The following PAG1 variants were observed in gnomAD, a reference collection of about 807,000 sequenced individuals.
PAG1 encodes phosphoprotein associated with glycosphingolipid-enriched microdomains 1.
A neutral mutation model predicts 31.7 loss-of-function variants in PAG1; 23 were observed. The observed-to-expected ratio is 0.73, with a 90% CI of 0.52 to 1.03. The LOEUF (loss-of-function observed/expected upper bound fraction) is 1.03. Among genes scored for constraint, PAG1 ranks in the 50% least tolerant of loss-of-function variants. PAG1 has a pLI of 0.00. For synonymous variants in PAG1, 214 were observed against 210.3 expected (o/e 1.02, Z -0.15); for missense variants, 473 against 540.7 (o/e 0.87, Z 1.24).
intron 1 of PAG1, among the ~76,000 whole-genome samples, chr8:81,079,094 CAT>C (rs1809223377): frequency 6.6e-6 from 1 of 152,060 alleles, no homozygotes; most frequent in South Asian, 2.1e-4. Context: ...GTAACAATAA[CAT>C]AGATTAGCAA....
chr8:81,091,999 CAAA>C (rs35485848), intron 1 of PAG1, among the ~76,000 whole-genome samples: 15 of 128,110 alleles, frequency 1.2e-4, no homozygotes, highest in Admixed American at 1.6e-4. Flanking sequence ...GACCTTGTCT[CAAA>C]AAAAAAAAAA....
intron 1 of PAG1, among the ~76,000 whole-genome samples, chr8:81,082,732 T>C (rs1430696609): frequency 6.6e-6 from 1 of 152,212 alleles, no homozygotes; most frequent in Non-Finnish European, 1.5e-5. Flanking sequence ...TTTTCTGTTC[T>C]AAGATGCCCC....
At chr8:81,050,007 T>A (rs985348652) in intron 2 of PAG1, among the ~76,000 whole-genome samples, 1 of 152,166 alleles carries the variant, frequency 6.6e-6, no homozygotes, top group African/African-American at 2.4e-5. Flanking sequence ...TCTGCCCCAT[T>A]TGACACAGGA....
At chr8:81,066,997 C>CA (rs949367523) in intron 2 of PAG1, among the ~76,000 whole-genome samples, 1 of 151,704 alleles carries the variant, frequency 6.6e-6, no homozygotes, top group African/African-American at 2.4e-5. Context: ...CCCATCTCTA[C>CA]AAAAAATAAA....
chr8:81,034,486 C>T (rs568058672), intron 2 of PAG1, among the ~76,000 whole-genome samples: 3 of 152,320 alleles, frequency 2.0e-5, no homozygotes, highest in Admixed American at 1.3e-4. Flanking sequence ...AATACTTTAT[C>T]TATGTTGCAA....
intron 1 of PAG1, among the ~76,000 whole-genome samples, chr8:81,099,968 G>A: frequency 6.6e-6 from 1 of 152,148 alleles, no homozygotes. Flanking sequence ...ACATTTCACA[G>A]TAATGCCAGT....
At position 80,976,671 on chromosome 8, in the gene PAG1, T is replaced by G; in HGVS notation, c.1172A>C (p.Gln391Pro). The change falls in exon 9 of 9, where the codon CAG (glutamine) becomes CCG (proline). Residue 391 changes from glutamine to proline, a missense_variant. Transcript: ENST00000220597. ...EEPEPDYEAIQTLNREEEKAT... is the reference protein window; with the variant it reads ...EEPEPDYEAIPTLNREEEKAT... ...CTTTTCTTCCTCTCTGTTGAGAGTCTGTATCGCTTCATAATCAGGCTCTGG... is the reference window on the plus strand; with the variant it reads ...CTTTTCTTCCTCTCTGTTGAGAGTCGGTATCGCTTCATAATCAGGCTCTGG... 6.2e-7 allele frequency: 1 copy of G among 1,614,212 alleles called. No homozygotes were observed. Among genetic ancestry groups the G allele is most frequent in the Middle Eastern group, 1.7e-4 (1 of 6,060 alleles).
chr8:80,996,537 T>G (rs1366052133), intron 3 of PAG1, among the ~76,000 whole-genome samples: 1 of 152,184 alleles, frequency 6.6e-6, no homozygotes, highest in African/African-American at 2.4e-5. Context: ...TGCCTCCCGC[T>G]CACCCTCCTG....
chr8:81,022,732 T>C (rs534264846), intron 3 of PAG1, among the ~76,000 whole-genome samples: 1 of 152,198 alleles, frequency 6.6e-6, no homozygotes, highest in East Asian at 1.9e-4. Flanking sequence ...TTGTTTAACA[T>C]ATTTAAGATT....
chr8:80,980,355 A>G (rs1232813688), intron 8 of PAG1, 80 bp downstream of exon 8: 46 of 791,280 alleles, frequency 5.8e-5, no homozygotes, highest in Non-Finnish European at 9.9e-5. Context: ...TCAAAGGGTA[A>G]CATTACAGTG....
intron 3 of PAG1, among the ~76,000 whole-genome samples, chr8:81,020,150 A>C (rs1808138343): frequency 6.6e-6 from 1 of 152,206 alleles, no homozygotes. Context: ...CTGGGAAATA[A>C]CTAACTTGTT....
At chr8:81,004,255 G>C (rs1807836510) in intron 3 of PAG1, among the ~76,000 whole-genome samples, 1 of 152,154 alleles carries the variant, frequency 6.6e-6, no homozygotes, top group Admixed American at 6.5e-5. Context: ...AAGCAAGTTG[G>C]AAATGGATCC....
chr8:81,030,383 C>A (rs1808359849), intron 2 of PAG1, among the ~76,000 whole-genome samples: 1 of 152,188 alleles, frequency 6.6e-6, no homozygotes, highest in Non-Finnish European at 1.5e-5. Flanking sequence ...TTTACTTGCT[C>A]TTTCTATATT....
At chr8:81,079,601 G>A (rs1809232478) in intron 1 of PAG1, among the ~76,000 whole-genome samples, 1 of 152,004 alleles carries the variant, frequency 6.6e-6, no homozygotes, top group Admixed American at 6.6e-5. Context: ...TGAGACTCAG[G>A]AGAGACACTC....
At chr8:81,011,475 T>C (rs1371345448) in intron 3 of PAG1, among the ~76,000 whole-genome samples, 1 of 152,240 alleles carries the variant, frequency 6.6e-6, no homozygotes, top group African/African-American at 2.4e-5. Flanking sequence ...TCCAGCCACA[T>C]GGAACTGTGA....
At position 81,062,578 on chromosome 8, in the gene PAG1, C is replaced by T. The variant is rs990052389; in HGVS notation, c.-175+7534G>A. 2.6e-5 allele frequency among the ~76,000 whole-genome samples: 4 copies of T among 152,140 alleles called. No individual in the cohort carries two copies. In the East Asian group the frequency reaches 5.8e-4, roughly 22 times the overall value. ...CATAAATCTCAATCTTTTGGTTCTT[C>T]CCTTATAAGAAACACTAGAAAAAAA... is the stretch of plus-strand genomic sequence containing the variant. On this transcript the variant is annotated intron_variant, in intron 2 of 8. Coordinates refer to ENST00000220597, the MANE Select transcript of PAG1 (RefSeq NM_018440.4).
chr8:81,022,790 C>T (rs2130744565), intron 3 of PAG1, among the ~76,000 whole-genome samples: 1 of 152,150 alleles, frequency 6.6e-6, no homozygotes, highest in East Asian at 1.9e-4. Flanking sequence ...AGAGCTGGGA[C>T]AGGAAATTAT....
intron 1 of PAG1, among the ~76,000 whole-genome samples, chr8:81,076,812 T>C (rs1416488194): frequency 6.6e-6 from 1 of 152,244 alleles, no homozygotes; most frequent in Non-Finnish European, 1.5e-5. Context: ...ACTGCCTCAA[T>C]ATTTATTACT....
rs1277762918 is a variant in PAG1, at chr8:81,051,307, A to T, written c.-175+18805T>A. On this transcript the variant is annotated intron_variant, in intron 2 of 8. Transcript: ENST00000220597. ...TATGAATCACAGGCAGGTGCCCTTT[A>T]AAAACGACTTAAGATTTTTGAAACC... is the stretch of plus-strand genomic sequence containing the variant. Among the ~76,000 whole-genome samples the T allele has an allele frequency of 2.0e-5, 3 of 152,210 alleles. No individual in the cohort carries two copies. The East Asian group carries it at 5.8e-4, about 29-fold the overall frequency.
Sources: gnomAD v4.1 joint callset for allele counts (sites outside exome capture counted in the v4.1 genomes callset) on GRCh38, gnomAD v4.1.1 for gene constraint, MANE v1.5 for transcripts, NCBI Gene and HGNC (gene_info 2026-07-23, HGNC 2026-07-21) for gene names.